BRINP1: variants seen among roughly 807,000 people sequenced by gnomAD.
The protein encoded by BRINP1 is BMP/retinoic acid-inducible neural-specific protein 1.
A neutral mutation model predicts 72.9 loss-of-function variants in BRINP1; 17 were observed. That is an observed-to-expected ratio of 0.23 (90% CI 0.16 to 0.35). The LOEUF (loss-of-function observed/expected upper bound fraction) is 0.35. BRINP1 is among the 10% of genes least tolerant of loss of function. The probability of loss-of-function intolerance (pLI) is 1.00; values close to 1 mark genes in which losing one functional copy is unlikely to be tolerated. For synonymous variants in BRINP1, 418 were observed against 378.5 expected (o/e 1.10, Z -1.21); for missense variants, 850 against 1,001.6 (o/e 0.85, Z 2.04).
chr9:119,229,233 A>T (rs1830124267), intron 5 of BRINP1, among the ~76,000 whole-genome samples: 1 of 152,144 alleles, frequency 6.6e-6, no homozygotes, highest in Admixed American at 6.6e-5. Context: ...CCAAGCACAT[A>T]TGCCATGGAG....
At chr9:119,257,201 A>C (rs1196730153) in intron 2 of BRINP1, among the ~76,000 whole-genome samples, 1 of 152,232 alleles carries the variant, frequency 6.6e-6, no homozygotes, top group Non-Finnish European at 1.5e-5. Context: ...AGATTCCCTC[A>C]ATGCTACAAT....
At chr9:119,323,340 G>A (rs1259665716) in intron 1 of BRINP1, among the ~76,000 whole-genome samples, 2 of 152,210 alleles carry the variant, frequency 1.3e-5, no homozygotes, top group African/African-American at 2.4e-5. Flanking sequence ...AGCAGGGGCT[G>A]CAATTTGGGA....
chr9:119,324,777 A>G (rs1831222122), intron 1 of BRINP1, among the ~76,000 whole-genome samples: 1 of 152,160 alleles, frequency 6.6e-6, no homozygotes, highest in East Asian at 1.9e-4. Flanking sequence ...ACTGATTGCT[A>G]CATGTGTATC....
chr9:119,224,064 T>G (rs2118888503), intron 5 of BRINP1, among the ~76,000 whole-genome samples: 1 of 152,180 alleles, frequency 6.6e-6, no homozygotes, highest in Middle Eastern at 3.4e-3. Flanking sequence ...TGAACATCTA[T>G]TAAGAAAGTC....
At chr9:119,280,830 C>T (rs927140456) in intron 2 of BRINP1, among the ~76,000 whole-genome samples, 1 of 152,142 alleles carries the variant, frequency 6.6e-6, no homozygotes, top group East Asian at 1.9e-4. Flanking sequence ...TCTAGTAATA[C>T]AGCAAGTGAG....
chr9:119,234,777 C>T (rs1252665731), intron 5 of BRINP1, among the ~76,000 whole-genome samples: 1 of 151,998 alleles, frequency 6.6e-6, no homozygotes, highest in Non-Finnish European at 1.5e-5. Flanking sequence ...GAATATGATA[C>T]TTCCTCAGAT....
At chr9:119,318,795 G>A (rs1322399881) in intron 1 of BRINP1, among the ~76,000 whole-genome samples, 1 of 151,564 alleles carries the variant, frequency 6.6e-6, no homozygotes, top group Non-Finnish European at 1.5e-5. Flanking sequence ...TCAGAACATT[G>A]CAGCTCTCAA....
rs577357164 is a variant in BRINP1 at position 119,250,071 on chromosome 9, A to C, written c.219-921T>G. ...GAGAGAGGGAGGGAGGGAAGAAGGAAGGAAGGAAGAAAGGAAGGAAGGAAG... is the reference window on the plus strand; with the variant it reads ...GAGAGAGGGAGGGAGGGAAGAAGGACGGAAGGAAGAAAGGAAGGAAGGAAG... On this transcript the variant is annotated intron_variant, in intron 2 of 7. Transcript: ENST00000265922. Among the ~76,000 whole-genome samples, 358 of 92,348 alleles carry C rather than the reference A, an allele frequency of 3.9e-3. 3 individuals are homozygous for C. The highest frequency in any genetic ancestry group is 0.013 in the African/African-American group (348 of 26,812). The allele number at this position is 92,348 out of a possible 152,430, so 60.6% of individuals were successfully genotyped here. A position where few individuals can be genotyped will look rare whatever the true frequency, so the allele number is the denominator to read the frequency against.
At chr9:119,329,892 T>C (rs961651271) in intron 1 of BRINP1, among the ~76,000 whole-genome samples, 3 of 152,176 alleles carry the variant, frequency 2.0e-5, no homozygotes, top group Non-Finnish European at 4.4e-5. Flanking sequence ...TCCAAATCCA[T>C]GTAATCTGGT....
intron 1 of BRINP1, among the ~76,000 whole-genome samples, chr9:119,332,618 G>A (rs538973416): frequency 6.6e-5 from 10 of 152,306 alleles, no homozygotes; most frequent in African/African-American, 2.4e-4. Context: ...CTGTGCTCCT[G>A]CTACTGTCAC....
rs1829946274 is a variant in BRINP1, at chr9:119,213,122, C to T, written c.922+797G>A. 1.3e-5 allele frequency among the ~76,000 whole-genome samples: 2 copies of T among 152,162 alleles called. 1 individual carries two copies. The highest frequency in any genetic ancestry group is 4.1e-4 in the South Asian group (2 of 4,822). On this transcript the variant is annotated intron_variant, in intron 6 of 7. Coordinates refer to ENST00000265922, the MANE Select transcript of BRINP1 (RefSeq NM_014618.3). ...CACCTTCTCATATCTGCACCATAGT[C>T]AGATACTTCCATTTCTGTTCTTTTT... is the stretch of plus-strand genomic sequence containing the variant.
chr9:119,291,766 G>A (rs1265119119), intron 2 of BRINP1, among the ~76,000 whole-genome samples: 1 of 152,176 alleles, frequency 6.6e-6, no homozygotes, highest in Non-Finnish European at 1.5e-5. Context: ...TTGTCTCCCA[G>A]AAGTAGGTGG....
intron 1 of BRINP1, among the ~76,000 whole-genome samples, chr9:119,365,027 G>A (rs1831677216): frequency 6.6e-6 from 1 of 152,240 alleles, no homozygotes; most frequent in African/African-American, 2.4e-5. Context: ...CTCTGTGTCA[G>A]TCCCTGGAAT....
At chr9:119,304,089 A>T (rs1275733579) in intron 2 of BRINP1, among the ~76,000 whole-genome samples, 2 of 152,008 alleles carry the variant, frequency 1.3e-5, no homozygotes, top group African/African-American at 4.8e-5. Context: ...CATGTTGGCC[A>T]GTCCGGTCTC....
intron 7 of BRINP1, among the ~76,000 whole-genome samples, chr9:119,189,755 A>G (rs1417919726): frequency 6.6e-6 from 1 of 152,096 alleles, no homozygotes; most frequent in African/African-American, 2.4e-5. Context: ...TCAACAATGA[A>G]TAGATCAAGC....
intron 7 of BRINP1, among the ~76,000 whole-genome samples, chr9:119,175,789 T>A (rs1829481768): frequency 6.6e-6 from 1 of 152,180 alleles, no homozygotes; most frequent in Non-Finnish European, 1.5e-5. Context: ...CAAGTCACCC[T>A]TTGGCTGTCT....
intron 2 of BRINP1, among the ~76,000 whole-genome samples, chr9:119,294,109 C>A (rs1830850468): frequency 6.6e-6 from 1 of 151,940 alleles, no homozygotes; most frequent in Non-Finnish European, 1.5e-5. Context: ...GTGAACTATC[C>A]AAAAATAATG....
intron 5 of BRINP1, among the ~76,000 whole-genome samples, chr9:119,215,927 A>G (rs1829971967): frequency 6.6e-6 from 1 of 152,250 alleles, no homozygotes; most frequent in Non-Finnish European, 1.5e-5. Flanking sequence ...AGTCATCTCA[A>G]GCAAAATATT....
rs373179204 is a variant in BRINP1, at chr9:119,350,618, T to TA, written c.-51+18437dup. ...TCCACATGTATTAAGAAATACACAT[T>TA]AAAAAAAAAGATTGCACACACACTC... On this transcript the variant is annotated intron_variant, in intron 1 of 7. Transcript: ENST00000265922. Among the ~76,000 whole-genome samples, 11 of 150,822 alleles carry TA rather than the reference T, an allele frequency of 7.3e-5. 1 individual carries two copies. The highest frequency in any genetic ancestry group is 2.1e-4 in the South Asian group (1 of 4,798).
Sources: allele counts gnomAD v4.1 joint callset (sites outside exome capture counted in the v4.1 genomes callset), GRCh38; gene constraint gnomAD v4.1.1; transcripts MANE v1.5; gene names NCBI Gene and HGNC (gene_info 2026-07-23, HGNC 2026-07-21).